The following IRF2 variants were observed in gnomAD, a reference collection of about 807,000 sequenced individuals.
IRF2 encodes the protein interferon regulatory factor 2.
In IRF2, 15 loss-of-function variants were observed where a neutral mutation model predicts 40.6. That is an observed-to-expected ratio of 0.37 (90% CI 0.25 to 0.57). The LOEUF is 0.57. IRF2 is among the 20% of genes least tolerant of loss of function. The probability of loss-of-function intolerance (pLI) is 0.77; values close to 1 mark genes in which losing one functional copy is unlikely to be tolerated. For synonymous variants in IRF2, 151 were observed against 165.5 expected, an observed-to-expected ratio of 0.91 and a Z score of 0.67; for missense variants, 317 against 455.7, an observed-to-expected ratio of 0.70 and a Z score of 2.77.
intron 4 of IRF2, 83 bp downstream of exon 4, chr4:184,418,449 A>C: frequency 1.6e-6 from 2 of 1,280,814 alleles, no homozygotes; most frequent in African/African-American, 1.5e-5. Context: ...CTGCAAACTG[A>C]CTGCAGATGT....
chr4:184,404,427 C>G (rs1036272273), intron 6 of IRF2, among the ~76,000 whole-genome samples: 1 of 152,138 alleles, frequency 6.6e-6, no homozygotes, highest in Non-Finnish European at 1.5e-5. Context: ...CCCCTTCTAG[C>G]CCCAGAGTGA....
intron 5 of IRF2, among the ~76,000 whole-genome samples, chr4:184,410,047 G>GGTTCT (rs1202166161): frequency 6.6e-6 from 1 of 151,874 alleles, no homozygotes; most frequent in African/African-American, 2.4e-5. Flanking sequence ...TCCGGACTTC[G>GGTTCT]CCTCTCCACC....
chr4:184,461,568 G>A (rs992571430), intron 1 of IRF2, among the ~76,000 whole-genome samples: 13 of 151,998 alleles, frequency 8.6e-5, no homozygotes, highest in Admixed American at 2.0e-4. Context: ...ATTTTCTTTC[G>A]TTTTATACCT....
intron 1 of IRF2, among the ~76,000 whole-genome samples, chr4:184,452,770 C>CAAAAAAAAAAAAAA (rs530415114): frequency 1.2e-3 from 63 of 53,824 alleles, no homozygotes; most frequent in South Asian, 2.1e-3. Flanking sequence ...GACCCTGTCT[C>CAAAAAAAAAAAAAA]AAAAAAAAAA....
chr4:184,393,883 C>T (rs75186066), intron 7 of IRF2, among the ~76,000 whole-genome samples: 412 of 152,292 alleles, frequency 2.7e-3, no homozygotes, highest in African/African-American at 9.4e-3. Context: ...CACTGCGCCC[C>T]GTGTCCTCTG....
At chr4:184,429,650 G>C (rs3756093) in intron 1 of IRF2, among the ~76,000 whole-genome samples, 121,110 of 152,138 alleles carry the variant, frequency 0.8, 48,643 homozygotes, top group Non-Finnish European at 0.86. Context: ...GCCCCTGGAA[G>C]CCTGCACAGG....
At chr4:184,389,369 G>A (rs765016017) in intron 8 of IRF2, among the ~76,000 whole-genome samples, 1 of 152,302 alleles carries the variant, frequency 6.6e-6, no homozygotes, top group Middle Eastern at 3.4e-3. Flanking sequence ...AGTCAGCTAT[G>A]ATTGCGCCAC....
At chr4:184,465,668 G>C (rs1739292387) in intron 1 of IRF2, among the ~76,000 whole-genome samples, 1 of 152,130 alleles carries the variant, frequency 6.6e-6, no homozygotes, top group Non-Finnish European at 1.5e-5. Flanking sequence ...ACTAAACGCT[G>C]CTCGAAAACA....
At chr4:184,417,928 A>G (rs1360060129) in intron 5 of IRF2, among the ~76,000 whole-genome samples, 1 of 152,246 alleles carries the variant, frequency 6.6e-6, no homozygotes, top group African/African-American at 2.4e-5. Flanking sequence ...TGCCGAGCAC[A>G]GTGAGAATCT....
intron 6 of IRF2, among the ~76,000 whole-genome samples, chr4:184,404,757 G>A (rs1005077338): frequency 5.3e-5 from 8 of 152,126 alleles, no homozygotes; most frequent in South Asian, 2.1e-4. Context: ...CCGCGGGGCC[G>A]GTGACTCCGA....
chr4:184,421,208 C>T lies in IRF2; in HGVS notation c.88-1640G>A, dbSNP rs567258091. On this transcript the variant is annotated intron_variant, in intron 2 of 8. Coordinates refer to ENST00000393593, the MANE Select transcript of IRF2 (RefSeq NM_002199.4). ...GAGATTCAGCGCCTCTCCACAGAAC[C>T]AATCACAAAGCCAGAACAAAGACTA... is the stretch of plus-strand genomic sequence containing the variant. Among the ~76,000 whole-genome samples, 7 of 152,308 alleles carry T rather than the reference C, an allele frequency of 4.6e-5. No homozygotes were observed. The South Asian group carries it at 1.4e-3, about 32-fold the overall frequency.
intron 6 of IRF2, chr4:184,407,310 GT>G (rs1736894824): frequency 1.6e-6 from 2 of 1,212,142 alleles, no homozygotes; most frequent in African/African-American, 1.6e-5. Flanking sequence ...ATAAAAAGGA[GT>G]TTTTTCTTCT....
At position 184,389,076 on chromosome 4, in the gene IRF2, A is replaced by G; in HGVS notation, c.742-10T>C. On this transcript the variant is annotated splice_polypyrimidine_tract_variant and intron_variant, in intron 8 of 8. Coordinates refer to ENST00000393593, the MANE Select transcript of IRF2 (RefSeq NM_002199.4). ...GCCAGTGTGGCCGCCCCTTTCAAGA[A>G]AGTAATTAAGATATGTATTTCCTTC... is the stretch of plus-strand genomic sequence containing the variant. The G allele has an allele frequency of 1.2e-6, 2 of 1,612,916 alleles. No individual in the cohort carries two copies. The highest frequency in any genetic ancestry group is 1.7e-6 in the Non-Finnish European group (2 of 1,179,122).
At chr4:184,428,864 T>C in intron 2 of IRF2, 114 bp downstream of exon 2, 1 of 869,550 alleles carries the variant, frequency 1.2e-6, no homozygotes, top group Non-Finnish European at 2.0e-6. Flanking sequence ...TGGCTGGTTT[T>C]TGTCATGAAT....
intron 1 of IRF2, among the ~76,000 whole-genome samples, chr4:184,465,725 G>T (rs558816306): frequency 6.6e-6 from 1 of 152,216 alleles, no homozygotes; most frequent in African/African-American, 2.4e-5. Flanking sequence ...GCCGTAATTC[G>T]TTCAAATGTG....
chr4:184,388,679 A>G lies in IRF2; in HGVS notation c.*79T>C. On this transcript the variant is annotated 3_prime_UTR_variant, in exon 9 of 9. Coordinates refer to ENST00000393593, the MANE Select transcript of IRF2 (RefSeq NM_002199.4). This position sits in a 1 kb window ranked among gnomAD's most constrained non-coding sequence, Gnocchi z 4.6. ...CTTAGATTTGTCTAAAATAGGTGTC[A>G]GAGAGAAAAAAATAAAATACAAACA... is the stretch of plus-strand genomic sequence containing the variant. 2.1e-6 allele frequency: 3 copies of G among 1,427,322 alleles called. No homozygotes were observed. The highest frequency in any genetic ancestry group is 2.9e-6 in the Non-Finnish European group (3 of 1,042,600). The allele number at this position is 1,427,322 out of a possible 1,614,324, so 88.4% of individuals were successfully genotyped here. A position where few individuals can be genotyped will look rare whatever the true frequency, so the allele number is the denominator to read the frequency against.
At position 184,474,287 on chromosome 4, in the gene IRF2, G is replaced by A. The variant is rs1739644523; in HGVS notation, c.-7+92C>T. 1 of 152,370 alleles carries A rather than the reference G, an allele frequency of 6.6e-6. No individual in the cohort carries two copies. The highest frequency in any genetic ancestry group is 2.1e-4 in the South Asian group (1 of 4,874). The allele number at this position is 152,370 out of a possible 1,614,324, so 9.4% of individuals were successfully genotyped here. A position where few individuals can be genotyped will look rare whatever the true frequency, so the allele number is the denominator to read the frequency against. On this transcript the variant is annotated intron_variant, in intron 1 of 8. Transcript: ENST00000393593. The surrounding 1 kb of genome is among the most constrained non-coding windows in gnomAD (Gnocchi z 5.6). ...GCAAAACATCGTGTCAAGGCATCAG[G>A]ACACGCATACACACACGGCCCCCCA... is the stretch of plus-strand genomic sequence containing the variant.
chr4:184,410,555 C>A (rs1043611630), intron 5 of IRF2, among the ~76,000 whole-genome samples: 2 of 152,298 alleles, frequency 1.3e-5, no homozygotes, highest in South Asian at 4.1e-4. Context: ...AGTTTCCCCA[C>A]CCCGAGTCAT....
intron 1 of IRF2, among the ~76,000 whole-genome samples, chr4:184,454,009 T>C (rs1035251167): frequency 1.3e-5 from 2 of 152,206 alleles, no homozygotes; most frequent in Non-Finnish European, 2.9e-5. Context: ...AAATTGCTGC[T>C]TTCTGACTTC....
Sources: gnomAD v4.1 joint callset for allele counts (sites outside exome capture counted in the v4.1 genomes callset) on GRCh38, gnomAD v4.1.1 for gene constraint, Gnocchi (gnomAD v3.1) non-coding constraint, MANE v1.5 for transcripts, NCBI Gene and HGNC (gene_info 2026-07-23, HGNC 2026-07-21) for gene names.